The following WDFY4 variants were observed in gnomAD, a reference collection of about 807,000 sequenced individuals.
WDFY4 encodes WDFY family member 4, also known as WD repeat- and FYVE domain-containing protein 4.
WDFY4 carries 169 observed loss-of-function variants against 351.9 expected under a neutral mutation model. The observed-to-expected ratio is 0.48, with a 90% CI of 0.42 to 0.55. WDFY4 has a LOEUF of 0.55. Ranked by LOEUF, WDFY4 falls within the 20% of genes least tolerant of loss-of-function variation. WDFY4 has a pLI of 0.00. For synonymous variants in WDFY4, 1,622 were observed against 1,574.6 expected (o/e 1.03, Z -0.71); for missense variants, 3,803 against 3,935.6 (o/e 0.97, Z 0.90).
chr10:48,916,693 G>A (rs1329465851), intron 47 of WDFY4, among the ~76,000 whole-genome samples: 1 of 152,186 alleles, frequency 6.6e-6, no homozygotes, highest in Non-Finnish European at 1.5e-5. Context: ...AGAAATTCAG[G>A]AAAAGTGATT....
intron 12 of WDFY4, 112 bp from the exon 13 acceptor site, chr10:48,760,234 AG>A: frequency 1.1e-6 from 1 of 936,100 alleles, no homozygotes; most frequent in Non-Finnish European, 1.6e-6. Context: ...CTAGGTAATA[AG>A]ACAGGATGTG....
At position 48,946,084 on chromosome 10, in the gene WDFY4, G is replaced by A. The variant is rs1268471576; in HGVS notation, c.7794G>A (p.Lys2598=). 6.5e-7 allele frequency: 1 copy of A among 1,547,278 alleles called. No homozygotes were observed. Among genetic ancestry groups the A allele is most frequent in the Non-Finnish European group, 8.7e-7 (1 of 1,145,890 alleles). Residue 2598 remains lysine (K), a synonymous_variant, in exon 50 of 62, where the codon AAG becomes AAA. Coordinates refer to ENST00000325239, the MANE Select transcript of WDFY4 (RefSeq NM_001394531.1). The stretch of plus-strand genomic sequence containing the variant: ...CGAAGATTTTCCGGGATCTTTCAAA[G>A]CCCATGGGGGCTCAGACCAAGGAAA... ...ANPKIFRDLS[K]PMGAQTKERK...
In WDFY4 at chr10:48,975,231, T is replaced by C; in HGVS notation, c.9108+190T>C. 5 of 744,722 alleles carry C rather than the reference T, an allele frequency of 6.7e-6. No individual in the cohort carries two copies. The South Asian group carries it at 8.6e-5, about 13-fold the overall frequency. The allele number at this position is 744,722 out of a possible 1,614,324, so 46.1% of individuals were successfully genotyped here. On this transcript the variant is annotated intron_variant, in intron 58 of 61. Transcript: ENST00000325239. ...GGTCTAGCTTCAATGTCCGCTTCTT[T>C]ACTTTCCTCCCTCTGGTGTTGGGGA...
At position 48,787,950 on chromosome 10, in the gene WDFY4, T is replaced by TCTTCTTCTC. The variant is rs1565199209; in HGVS notation, c.3809-572_3809-571insCCTTCTTCT. On this transcript the variant is annotated intron_variant, in intron 20 of 61. Transcript: ENST00000325239. Reference sequence around the variant, plus strand: ...TTCTTCTTCTTCTTCTTCTTCTTCTTCTTCTTCTTCTTCTTCTTCTTCTTC... The same window carrying TCTTCTTCTC: ...TTCTTCTTCTTCTTCTTCTTCTTCTTCTTCTTCTCCTTCTTCTTCTTCTTCTTCTTCTTC... Among the ~76,000 whole-genome samples the TCTTCTTCTC allele has an allele frequency of 1.6e-4, 16 of 100,692 alleles. 3 individuals carry two copies. Among genetic ancestry groups the TCTTCTTCTC allele is most frequent in the Middle Eastern group, 7.9e-3 (2 of 254 alleles). The allele number at this position is 100,692 out of a possible 152,430, so 66.1% of individuals were successfully genotyped here. A position where few individuals can be genotyped will look rare whatever the true frequency, so the allele number is the denominator to read the frequency against.
chr10:48,878,295 G>A (rs1037190058), intron 43 of WDFY4, among the ~76,000 whole-genome samples: 3 of 152,150 alleles, frequency 2.0e-5, no homozygotes, highest in Non-Finnish European at 2.9e-5. Context: ...ATAAATGCAC[G>A]AGAGCTGGAG....
At chr10:48,949,137 G>A (rs1164987680) in intron 51 of WDFY4, among the ~76,000 whole-genome samples, 5 of 152,198 alleles carry the variant, frequency 3.3e-5, no homozygotes, top group Admixed American at 6.5e-5. Context: ...CCATGTTGAA[G>A]TCACTGATGT....
At chr10:48,725,622 C>A (rs1030822582) in intron 5 of WDFY4, among the ~76,000 whole-genome samples, 1 of 152,190 alleles carries the variant, frequency 6.6e-6, no homozygotes, top group African/African-American at 2.4e-5. Flanking sequence ...TCAATTACTT[C>A]TTTATTATTC....
chr10:48,831,563 C>A (rs1402518418), intron 38 of WDFY4, among the ~76,000 whole-genome samples: 2 of 152,222 alleles, frequency 1.3e-5, no homozygotes, highest in Non-Finnish European at 2.9e-5. Flanking sequence ...GGCCCAGAAT[C>A]TCCTTCTAAA....
chr10:48,729,800 C>A (rs2064394268), intron 8 of WDFY4, among the ~76,000 whole-genome samples: 1 of 152,188 alleles, frequency 6.6e-6, no homozygotes, highest in Non-Finnish European at 1.5e-5. Flanking sequence ...ATAACGGAGG[C>A]AGCCTCTACT....
rs2069870514 is a variant in WDFY4 at position 48,873,604 on chromosome 10, A to G, written c.6855A>G (p.Pro2285=). Residue 2285 remains proline, a synonymous_variant, in exon 41 of 62, where the codon CCA becomes CCG. Coordinates refer to ENST00000325239, the MANE Select transcript of WDFY4 (RefSeq NM_001394531.1). ...SQGEETKPCS[P]WELDWREGPA... ...GGGAAGAAACCAAGCCCTGTTCCCCATGGGAACTCGACTGGAGAGAAGGAC... is the reference window on the plus strand; with the variant it reads ...GGGAAGAAACCAAGCCCTGTTCCCCGTGGGAACTCGACTGGAGAGAAGGAC... 6.4e-7 allele frequency: 1 copy of G among 1,551,806 alleles called. No homozygotes were observed.
At chr10:48,901,703 A>G (rs1837361287) in intron 46 of WDFY4, 98 bp from the exon 47 acceptor site, 14 of 1,343,426 alleles carry the variant, frequency 1.0e-5, no homozygotes, top group Non-Finnish European at 1.4e-5. Context: ...GGGGAGCAAT[A>G]ATGAGCCTAG....
At chr10:48,813,905 T>A (rs1467237701) in intron 30 of WDFY4, 52 bp from the exon 31 acceptor site, 2 of 1,440,520 alleles carry the variant, frequency 1.4e-6, no homozygotes, top group Non-Finnish European at 1.8e-6. Context: ...CAAAGCTCGT[T>A]CTCTTGGTGA....
chr10:48,805,918 T>G (rs1019737500), intron 26 of WDFY4, 86 bp from the exon 27 acceptor site: 2 of 1,083,642 alleles, frequency 1.8e-6, no homozygotes, highest in Non-Finnish European at 2.8e-6. Context: ...TGCACGTGGG[T>G]GGGTCTATGT....
At chr10:48,929,157 T>G (rs528674197) in intron 47 of WDFY4, among the ~76,000 whole-genome samples, 20 of 151,912 alleles carry the variant, frequency 1.3e-4, no homozygotes, top group Non-Finnish European at 2.4e-4. Flanking sequence ...GGAGAGAATT[T>G]CAGATGGAGG....
chr10:48,835,211 G>A lies in WDFY4; in HGVS notation c.6663+2502G>A, dbSNP rs562135912. Among the ~76,000 whole-genome samples, 8 of 152,298 alleles carry A rather than the reference G, an allele frequency of 5.3e-5. No homozygotes were observed. In the East Asian group the frequency reaches 9.6e-4, roughly 18 times the overall value. On this transcript the variant is annotated intron_variant, in intron 39 of 61. Coordinates refer to ENST00000325239, the MANE Select transcript of WDFY4 (RefSeq NM_001394531.1). The stretch of plus-strand genomic sequence containing the variant: ...GTAAGATAGACAATAAGCAAATACA[G>A]TTGTAAATATTGGGAGAACTGATGG...
intron 12 of WDFY4, among the ~76,000 whole-genome samples, chr10:48,751,855 A>G (rs1325409155): frequency 1.3e-5 from 2 of 152,082 alleles, no homozygotes; most frequent in Non-Finnish European, 2.9e-5. Context: ...GGGTGGCAGG[A>G]TTTTATAGCC....
chr10:48,904,751 A>G (rs930771232), intron 47 of WDFY4, among the ~76,000 whole-genome samples: 5 of 152,330 alleles, frequency 3.3e-5, no homozygotes. Context: ...GGTTAATTAC[A>G]TGCCCATCCC....
chr10:48,776,330 C>A (rs779644497), intron 15 of WDFY4, among the ~76,000 whole-genome samples: 2 of 152,148 alleles, frequency 1.3e-5, no homozygotes, highest in African/African-American at 2.4e-5. Flanking sequence ...AGCAAGGGTG[C>A]GGGATCAGGC....
rs186660788 is a variant in WDFY4 at position 48,731,273 on chromosome 10, G to A, written c.1293G>A (p.Ser431=). 114 of 1,551,950 alleles carry A rather than the reference G, an allele frequency of 7.3e-5. No homozygotes were observed. Among genetic ancestry groups the A allele is most frequent in the Admixed American group, 1.8e-4 (9 of 50,998 alleles). The change falls in exon 9 of 62, where the codon TCG becomes TCA. Residue 431 remains serine, a synonymous_variant. Coordinates refer to ENST00000325239, the MANE Select transcript of WDFY4 (RefSeq NM_001394531.1). The stretch of plus-strand genomic sequence containing the variant: ...TGGAGTGGACCCTGCAGCCCATCTC[G>A]CAGTTTGTAGAGATCATGCCCCTGA... ...FLLEWTLQPI[S]QFVEIMPLKP... is the part of the protein sequence containing the mutation.
Sources: allele counts gnomAD v4.1 joint callset (sites outside exome capture counted in the v4.1 genomes callset), GRCh38; gene constraint gnomAD v4.1.1; transcripts MANE v1.5; gene names NCBI Gene and HGNC (gene_info 2026-07-23, HGNC 2026-07-21).